LIN52: variants seen among roughly 807,000 people sequenced by gnomAD.
LIN52 encodes protein lin-52 homolog.
LIN52 carries 4 observed loss-of-function variants against 18.5 expected under a neutral mutation model. The ratio of observed to expected loss-of-function variants is 0.22; its 90% CI spans 0.11 to 0.49. The LOEUF (loss-of-function observed/expected upper bound fraction) is 0.49, where lower values mean the gene tolerates loss of function less well. LIN52 is among the 20% of genes least tolerant of loss of function. The pLI is 0.97. For missense variants in LIN52, 102 were observed against 139.5 expected (o/e 0.73, Z 1.35); for synonymous variants, 34 against 45.5 (o/e 0.75, Z 1.02).
chr14:74,180,752 T>C (rs949065320), intron 5 of LIN52, among the ~76,000 whole-genome samples: 1 of 152,206 alleles, frequency 6.6e-6, no homozygotes, highest in Non-Finnish European at 1.5e-5. Context: ...CACTTTGGCA[T>C]TGGTATGAAT....
At position 74,130,278 on chromosome 14, in the gene LIN52, G is replaced by GTTTGTT. The variant is rs1555382571; in HGVS notation, c.283+29043_283+29044insGTTTTT. ...GAATTTATTAGATAGGCATTTTTTGGTTTTTTTTTTTTTTTTTTGAGACAG... is the reference window on the plus strand; with the variant it reads ...GAATTTATTAGATAGGCATTTTTTGGTTTGTTTTTTTTTTTTTTTTTTTTGAGACAG... On this transcript the variant is annotated intron_variant, in intron 5 of 5. Transcript: ENST00000555028. 3.2e-4 allele frequency among the ~76,000 whole-genome samples: 21 copies of GTTTGTT among 64,824 alleles called. 1 individual carries two copies. The highest frequency in any genetic ancestry group is 3.1e-4 in the African/African-American group (5 of 15,880). 42.5% of individuals were successfully genotyped at this position (64,824 alleles called of 152,430 possible). A position where few individuals can be genotyped will look rare whatever the true frequency, so the allele number is the denominator to read the frequency against.
chr14:74,085,015 T>G (rs1490136305), intron 1 of LIN52, 22 bp downstream of exon 1: 2 of 1,376,822 alleles, frequency 1.5e-6, no homozygotes, highest in East Asian at 5.5e-5. Context: ...CTTAGAGATC[T>G]TTGCCTGCAG....
At chr14:74,135,323 A>G (rs770255538) in intron 5 of LIN52, among the ~76,000 whole-genome samples, 2 of 152,152 alleles carry the variant, frequency 1.3e-5, no homozygotes, top group Non-Finnish European at 2.9e-5. Context: ...TTGGCCTCCC[A>G]AAGTGCTGGG....
intron 4 of LIN52, among the ~76,000 whole-genome samples, chr14:74,098,347 C>T (rs570520277): frequency 1.3e-5 from 2 of 151,860 alleles, no homozygotes; most frequent in East Asian, 3.9e-4. Flanking sequence ...AACGAAACCA[C>T]GTCTCTACTA....
At chr14:74,106,460 C>T (rs986086578) in intron 5 of LIN52, among the ~76,000 whole-genome samples, 3 of 152,016 alleles carry the variant, frequency 2.0e-5, no homozygotes, top group Admixed American at 6.6e-5. Context: ...TTTGTAGAGA[C>T]GAGGTCTCAC....
At chr14:74,118,880 T>G (rs1480719364) in intron 5 of LIN52, among the ~76,000 whole-genome samples, 1 of 152,240 alleles carries the variant, frequency 6.6e-6, no homozygotes, top group Non-Finnish European at 1.5e-5. Flanking sequence ...TATACTATCA[T>G]AGAATAATTT....
At chr14:74,159,567 G>GTT (rs11288935) in intron 5 of LIN52, among the ~76,000 whole-genome samples, 2 of 133,618 alleles carry the variant, frequency 1.5e-5, no homozygotes, top group Non-Finnish European at 1.6e-5. Flanking sequence ...TGTGGGGTTT[G>GTT]TTTTTTTTTT....
intron 5 of LIN52, among the ~76,000 whole-genome samples, chr14:74,166,237 A>T (rs1186876005): frequency 1.4e-5 from 2 of 147,998 alleles, no homozygotes; most frequent in Admixed American, 6.9e-5. Flanking sequence ...TTTTTTTAAG[A>T]CAGAGTTTTG....
chr14:74,111,716 CAT>C (rs2139903899), intron 5 of LIN52, among the ~76,000 whole-genome samples: 1 of 151,818 alleles, frequency 6.6e-6, no homozygotes, highest in Non-Finnish European at 1.5e-5. Context: ...TCCTACCTCT[CAT>C]AGAACTAAAT....
intron 5 of LIN52, among the ~76,000 whole-genome samples, chr14:74,116,812 T>C (rs1239250353): frequency 1.3e-5 from 2 of 149,352 alleles, no homozygotes; most frequent in Non-Finnish European, 3.0e-5. Context: ...ATGCAGAACA[T>C]ACAATTTTAC....
At chr14:74,176,706 GTGGT>G (rs2061295933) in intron 5 of LIN52, among the ~76,000 whole-genome samples, 1 of 152,134 alleles carries the variant, frequency 6.6e-6, no homozygotes, top group Admixed American at 6.5e-5. Context: ...CATCATGTAT[GTGGT>G]TCATTGTTGG....
At chr14:74,132,488 C>T (rs1326490495) in intron 5 of LIN52, among the ~76,000 whole-genome samples, 1 of 152,116 alleles carries the variant, frequency 6.6e-6, no homozygotes. Context: ...CCATGCACTA[C>T]ATATGACCTA....
intron 5 of LIN52, among the ~76,000 whole-genome samples, chr14:74,165,095 AT>A (rs2139569030): frequency 6.6e-6 from 1 of 152,362 alleles, no homozygotes; most frequent in South Asian, 2.1e-4. Context: ...ACAAAAAAAA[AT>A]GTGCAAGTAA....
At chr14:74,126,412 C>T (rs1254135685) in intron 5 of LIN52, among the ~76,000 whole-genome samples, 1 of 152,120 alleles carries the variant, frequency 6.6e-6, no homozygotes, top group African/African-American at 2.4e-5. Context: ...AAAACAGGTA[C>T]TCAAACAAAT....
rs2078936804 is a variant in LIN52 at position 74,199,931 on chromosome 14, C to G, written c.*954C>G. 1 of 152,178 alleles carries G rather than the reference C, an allele frequency of 6.6e-6. No homozygotes were observed. Among genetic ancestry groups the G allele is most frequent in the South Asian group, 2.1e-4 (1 of 4,832 alleles). The allele number at this position is 152,178 out of a possible 1,614,324, so 9.4% of individuals were successfully genotyped here. A position where few individuals can be genotyped will look rare whatever the true frequency, so the allele number is the denominator to read the frequency against. On this transcript the variant is annotated 3_prime_UTR_variant, in exon 6 of 6. Transcript: ENST00000555028. ...CATCTATATAATAGAAACGCACACACACGAAAAAGAATCTTCTGACTTAAA... is the reference window on the plus strand; with the variant it reads ...CATCTATATAATAGAAACGCACACAGACGAAAAAGAATCTTCTGACTTAAA...
chr14:74,113,767 T>A (rs1595158801), intron 5 of LIN52, among the ~76,000 whole-genome samples: 1 of 152,186 alleles, frequency 6.6e-6, no homozygotes, highest in Non-Finnish European at 1.5e-5. Context: ...CAATTTTTTT[T>A]ATTGTAAAAA....
intron 5 of LIN52, among the ~76,000 whole-genome samples, chr14:74,193,009 A>G (rs1356803207): frequency 6.6e-6 from 1 of 152,128 alleles, no homozygotes. Context: ...GTGCACAAGC[A>G]TATTACCTTT....
At chr14:74,194,427 C>T (rs2139597918) in intron 5 of LIN52, among the ~76,000 whole-genome samples, 1 of 152,292 alleles carries the variant, frequency 6.6e-6, no homozygotes, top group African/African-American at 2.4e-5. Flanking sequence ...TGGAGTCCTC[C>T]TTTCAGCCCT....
At chr14:74,171,813 A>G (rs1460886603) in intron 5 of LIN52, among the ~76,000 whole-genome samples, 3 of 140,320 alleles carry the variant, frequency 2.1e-5, no homozygotes, top group African/African-American at 8.3e-5. Context: ...ATCTTGGCTC[A>G]CTGCAACCTC....
Sources: gnomAD v4.1 joint callset for allele counts (sites outside exome capture counted in the v4.1 genomes callset) on GRCh38, gnomAD v4.1.1 for gene constraint, MANE v1.5 for transcripts, NCBI Gene and HGNC (gene_info 2026-07-23, HGNC 2026-07-21) for gene names.